ITGA8: variants seen among roughly 807,000 people sequenced by gnomAD.
ITGA8 encodes integrin subunit alpha 8, also known as integrin alpha-8.
A neutral mutation model predicts 142.3 loss-of-function variants in ITGA8; 91 were observed. The ratio of observed to expected loss-of-function variants is 0.64; its 90% CI spans 0.54 to 0.76. The LOEUF (loss-of-function observed/expected upper bound fraction) is 0.76, where lower values mean the gene tolerates loss of function less well. Among genes scored for constraint, ITGA8 ranks in the 30% least tolerant of loss-of-function variants. The probability of loss-of-function intolerance (pLI) is 0.00; values close to 1 mark genes in which losing one functional copy is unlikely to be tolerated. For missense variants in ITGA8, 1,406 were observed against 1,327.7 expected (o/e 1.06, Z -0.92); for synonymous variants, 505 against 485.2 (o/e 1.04, Z -0.54).
At chr10:15,535,360 C>T (rs975893607) in intron 27 of ITGA8, among the ~76,000 whole-genome samples, 3 of 152,334 alleles carry the variant, frequency 2.0e-5, no homozygotes, top group South Asian at 2.1e-4. Context: ...CCACCTGCGG[C>T]GCCGGTGCGG....
intron 27 of ITGA8, among the ~76,000 whole-genome samples, chr10:15,544,344 C>A (rs745572755): frequency 1.3e-5 from 2 of 152,018 alleles, no homozygotes; most frequent in Non-Finnish European, 2.9e-5. Flanking sequence ...AAAACCAAAA[C>A]CCCATAAAAA....
intron 13 of ITGA8, among the ~76,000 whole-genome samples, chr10:15,638,901 A>G (rs1470764841): frequency 6.6e-6 from 1 of 151,952 alleles, no homozygotes; most frequent in African/African-American, 2.4e-5. Flanking sequence ...CTGAGGCGGG[A>G]GGATCGCTTG....
chr10:15,654,311 A>G (rs191389614), intron 11 of ITGA8, among the ~76,000 whole-genome samples: 60 of 152,272 alleles, frequency 3.9e-4, no homozygotes, highest in Admixed American at 2.0e-3. Context: ...TTACTCATTT[A>G]ATTTTTGTCT....
chr10:15,650,664 T>C (rs35897638), intron 11 of ITGA8, among the ~76,000 whole-genome samples: 14,643 of 152,196 alleles, frequency 0.096, 932 homozygotes, highest in East Asian at 0.3. Context: ...TATTCAATTA[T>C]AGCAACAAAA....
intron 26 of ITGA8, among the ~76,000 whole-genome samples, chr10:15,550,414 T>A (rs1833773331): frequency 6.6e-6 from 1 of 152,196 alleles, no homozygotes; most frequent in Non-Finnish European, 1.5e-5. Flanking sequence ...GCTTCACGGC[T>A]GACATGCTGT....
chr10:15,637,207 CT>C (rs1833786380), intron 13 of ITGA8, among the ~76,000 whole-genome samples: 1 of 152,166 alleles, frequency 6.6e-6, no homozygotes, highest in Admixed American at 6.5e-5. Context: ...TTTTCAAAAT[CT>C]TATGTGGCTC....
rs528545884 is a variant in ITGA8 at position 15,631,590 on chromosome 10, T to C, written c.1399+12440A>G. Among the ~76,000 whole-genome samples the C allele has an allele frequency of 2.0e-5, 3 of 151,618 alleles. No homozygotes were observed. In the East Asian group the frequency reaches 5.8e-4, roughly 29 times the overall value. ...GAGGGGTGGGAGGCTAGGGAAGGGA[T>C]AGCATTAGGAGAAATACTTAATGTA... On this transcript the variant is annotated intron_variant, in intron 13 of 29. Coordinates refer to ENST00000378076, the MANE Select transcript of ITGA8 (RefSeq NM_003638.3).
intron 13 of ITGA8, among the ~76,000 whole-genome samples, chr10:15,630,944 C>T (rs1379431054): frequency 2.6e-5 from 4 of 151,828 alleles, no homozygotes; most frequent in Admixed American, 6.6e-5. Flanking sequence ...TTTTTTCATA[C>T]GTTTGTTGGC....
intron 15 of ITGA8, among the ~76,000 whole-genome samples, chr10:15,610,655 G>A (rs1206668618): frequency 6.6e-6 from 1 of 152,172 alleles, no homozygotes; most frequent in Non-Finnish European, 1.5e-5. Context: ...TTGGAATAAT[G>A]ATTCTGCGTT....
intron 27 of ITGA8, among the ~76,000 whole-genome samples, chr10:15,533,507 A>C (rs1833353999): frequency 6.6e-6 from 1 of 152,212 alleles, no homozygotes; most frequent in Non-Finnish European, 1.5e-5. Flanking sequence ...TGATAGAAAC[A>C]AGAGAAACTC....
At chr10:15,694,884 G>A (rs1388158704) in intron 2 of ITGA8, among the ~76,000 whole-genome samples, 1 of 151,486 alleles carries the variant, frequency 6.6e-6, no homozygotes, top group Admixed American at 6.6e-5. Context: ...GGGAGAAAGT[G>A]CTAGAGTAGT....
In ITGA8 at chr10:15,705,388, A is replaced by G. The variant is rs2353946; in HGVS notation, c.343+13378T>C. Reference sequence around the variant, plus strand: ...ATCATTTTCTTCCTCCTGCCATCCAATCCAGCAGCTCATCCTCAGTTGTTT... The same window carrying G: ...ATCATTTTCTTCCTCCTGCCATCCAGTCCAGCAGCTCATCCTCAGTTGTTT... On this transcript the variant is annotated intron_variant, in intron 2 of 29. Coordinates refer to ENST00000378076, the MANE Select transcript of ITGA8 (RefSeq NM_003638.3). 7.4e-3 allele frequency among the ~76,000 whole-genome samples: 1,129 copies of G among 152,276 alleles called. 17 individuals carry two copies. Among genetic ancestry groups the G allele is most frequent in the African/African-American group, 0.026 (1,069 of 41,556 alleles).
In ITGA8 at chr10:15,547,163, A is replaced by C. The variant is rs867273153; in HGVS notation, c.2880+1292T>G. On this transcript the variant is annotated intron_variant, in intron 27 of 29. Coordinates refer to ENST00000378076, the MANE Select transcript of ITGA8 (RefSeq NM_003638.3). ...CGTGGTAAGAGTTAATTTAGGATTA[A>C]AAAAAAAATTCCTCCCCAAACAATA... 1.2e-4 allele frequency among the ~76,000 whole-genome samples: 18 copies of C among 151,508 alleles called. No individual in the cohort carries two copies. The Middle Eastern group carries it at 0.01, about 86-fold the overall frequency.
chr10:15,654,747 T>C (rs1436452795), intron 11 of ITGA8, among the ~76,000 whole-genome samples: 1 of 152,238 alleles, frequency 6.6e-6, no homozygotes, highest in Non-Finnish European at 1.5e-5. Context: ...GGGTGGATAA[T>C]TGATACATCT....
intron 23 of ITGA8, among the ~76,000 whole-genome samples, chr10:15,585,176 A>G (rs1174347655): frequency 6.6e-6 from 1 of 152,212 alleles, no homozygotes; most frequent in Non-Finnish European, 1.5e-5. Flanking sequence ...AAACATACAT[A>G]AAATACGATT....
At chr10:15,597,182 G>A (rs1285985699) in intron 21 of ITGA8, 25 bp downstream of exon 21, 2 of 1,557,740 alleles carry the variant, frequency 1.3e-6, no homozygotes, top group Admixed American at 1.7e-5. Context: ...AAGGAAATCA[G>A]TCAGTATTTC....
chr10:15,591,034 A>T (rs1480733933), intron 22 of ITGA8, among the ~76,000 whole-genome samples: 2 of 152,182 alleles, frequency 1.3e-5, no homozygotes, highest in Non-Finnish European at 2.9e-5. Flanking sequence ...TTTTTAAAAA[A>T]TCCTAAGCCT....
chr10:15,629,033 A>G (rs1211479466), intron 13 of ITGA8, among the ~76,000 whole-genome samples: 3 of 151,820 alleles, frequency 2.0e-5, no homozygotes, highest in African/African-American at 7.3e-5. Context: ...CTGGTAACAA[A>G]AGAGAATTTA....
intron 2 of ITGA8, among the ~76,000 whole-genome samples, chr10:15,692,854 G>C (rs1834960316): frequency 6.6e-6 from 1 of 152,200 alleles, no homozygotes; most frequent in African/African-American, 2.4e-5. Flanking sequence ...GATCACTTGA[G>C]GCCAGGAGTT....
Sources: allele counts gnomAD v4.1 joint callset (sites outside exome capture counted in the v4.1 genomes callset), GRCh38; gene constraint gnomAD v4.1.1; transcripts MANE v1.5; gene names NCBI Gene and HGNC (gene_info 2026-07-23, HGNC 2026-07-21).